Variants in PLCE1 observed in about 807,000 individuals in gnomAD.
PLCE1 encodes 1-phosphatidylinositol 4,5-bisphosphate phosphodiesterase epsilon-1.
In PLCE1, 119 loss-of-function variants were observed where a neutral mutation model predicts 242.8. The observed-to-expected ratio is 0.49, with a 90% CI of 0.42 to 0.57. PLCE1 has a LOEUF of 0.57. Among genes scored for constraint, PLCE1 ranks in the 20% least tolerant of loss-of-function variants. PLCE1 has a pLI of 0.00. For synonymous variants in PLCE1, 945 were observed against 1,017.4 expected (o/e 0.93, Z 1.35); for missense variants, 2,441 against 2,788.8 (o/e 0.88, Z 2.81).
At chr10:94,214,568 G>A (rs2049453486) in intron 4 of PLCE1, among the ~76,000 whole-genome samples, 1 of 152,104 alleles carries the variant, frequency 6.6e-6, no homozygotes. Flanking sequence ...TCCTTTGTTT[G>A]TTCACACAGA....
chr10:94,112,860 A>G lies in PLCE1; in HGVS notation c.1207-19314A>G, dbSNP rs115452024. 4.7e-3 allele frequency among the ~76,000 whole-genome samples: 721 copies of G among 152,306 alleles called. 6 individuals are homozygous for G. Among genetic ancestry groups the G allele is most frequent in the African/African-American group, 0.016 (681 of 41,540 alleles). ...TGCTTTGGACCAATAAGGTCTAAAGATGAAATGTGAAAAAAATATATTTAA... is the reference window on the plus strand; with the variant it reads ...TGCTTTGGACCAATAAGGTCTAAAGGTGAAATGTGAAAAAAATATATTTAA... On this transcript the variant is annotated intron_variant, in intron 2 of 32. Coordinates refer to ENST00000371380, the MANE Select transcript of PLCE1 (RefSeq NM_016341.4).
At chr10:94,201,209 T>A (rs1235543461) in intron 4 of PLCE1, among the ~76,000 whole-genome samples, 1 of 152,200 alleles carries the variant, frequency 6.6e-6, no homozygotes, top group Non-Finnish European at 1.5e-5. Flanking sequence ...TTGCTATTTT[T>A]CTATAAATCT....
intron 4 of PLCE1, among the ~76,000 whole-genome samples, chr10:94,195,155 AT>A (rs1165484165): frequency 1.3e-5 from 2 of 152,218 alleles, no homozygotes; most frequent in African/African-American, 4.8e-5. Flanking sequence ...TTCAAAATAG[AT>A]TTGCTAGCAT....
intron 2 of PLCE1, among the ~76,000 whole-genome samples, chr10:94,124,737 C>A (rs1455473351): frequency 2.0e-5 from 3 of 152,188 alleles, no homozygotes; most frequent in Admixed American, 6.5e-5. Context: ...TCTTTTAAAC[C>A]CCATGATCCT....
At chr10:94,005,611 A>G (rs534826981) in intron 1 of PLCE1, among the ~76,000 whole-genome samples, 1 of 152,240 alleles carries the variant, frequency 6.6e-6, no homozygotes, top group Non-Finnish European at 1.5e-5. Flanking sequence ...CCTAATTCTC[A>G]CTTCTGAGCT....
intron 2 of PLCE1, among the ~76,000 whole-genome samples, chr10:94,073,652 G>A (rs1331996302): frequency 6.6e-6 from 1 of 152,196 alleles, no homozygotes; most frequent in Non-Finnish European, 1.5e-5. Flanking sequence ...CTGGGCACAT[G>A]TGCTACCTCC....
chr10:94,054,237 G>A (rs1196420074), intron 2 of PLCE1, among the ~76,000 whole-genome samples: 6 of 152,102 alleles, frequency 3.9e-5, no homozygotes, highest in Non-Finnish European at 7.4e-5. Flanking sequence ...GCTTGGTGAA[G>A]GAGACTGGTT....
intron 5 of PLCE1, 150 bp downstream of exon 5, chr10:94,227,601 A>G: frequency 1.2e-6 from 1 of 825,832 alleles, no homozygotes; most frequent in South Asian, 1.4e-5. Context: ...TTTCAGCACC[A>G]AAGGCCCTGT....
intron 2 of PLCE1, among the ~76,000 whole-genome samples, chr10:94,113,419 CA>C (rs2046016735): frequency 6.6e-6 from 1 of 151,964 alleles, no homozygotes; most frequent in East Asian, 1.9e-4. Flanking sequence ...TAACTGAGGG[CA>C]AAATAAAGTA....
At position 94,234,262 on chromosome 10, in the gene PLCE1, G is replaced by A. The variant is rs200013667; in HGVS notation, c.2164G>A (p.Gly722Ser). The part of the protein sequence containing the change: ...ELCEVLDGAS[G>S]LMKLCPRYNS... The stretch of plus-strand genomic sequence containing the variant: ...CTGTGAAGTGCTTGACGGCGCCTCC[G>A]GTCTCATGAAGCTTTGCCCGCGGTA... Residue 722 changes from glycine (G) to serine (S), a missense_variant, in exon 6 of 33, where the codon GGT becomes AGT. Transcript: ENST00000371380. 46 of 1,613,962 alleles carry A rather than the reference G, an allele frequency of 2.9e-5. No individual in the cohort carries two copies. Among genetic ancestry groups the A allele is most frequent in the Middle Eastern group, 1.6e-4 (1 of 6,078 alleles).
chr10:94,117,732 C>A (rs2046176827), intron 2 of PLCE1, among the ~76,000 whole-genome samples: 1 of 152,158 alleles, frequency 6.6e-6, no homozygotes, highest in South Asian at 2.1e-4. Flanking sequence ...TTGACACTGC[C>A]TTTAATTATG....
chr10:94,274,144 C>A (rs1212557192), intron 19 of PLCE1, among the ~76,000 whole-genome samples: 2 of 151,982 alleles, frequency 1.3e-5, no homozygotes, highest in Non-Finnish European at 2.9e-5. Flanking sequence ...CTAGTTTATG[C>A]TGCTTGGGCC....
intron 28 of PLCE1, 73 bp downstream of exon 28, chr10:94,313,455 C>T (rs553416525): frequency 2.6e-6 from 4 of 1,550,750 alleles, no homozygotes; most frequent in Non-Finnish European, 3.6e-6. Context: ...GTATAAATGC[C>T]TGTGTGTAAA....
chr10:94,067,401 C>A (rs189108941), intron 2 of PLCE1, among the ~76,000 whole-genome samples: 1 of 152,192 alleles, frequency 6.6e-6, no homozygotes, highest in African/African-American at 2.4e-5. Context: ...CCCCAAACAT[C>A]CTGAACCCAG....
intron 2 of PLCE1, among the ~76,000 whole-genome samples, chr10:94,048,930 T>A (rs1485909471): frequency 1.3e-5 from 2 of 150,578 alleles, no homozygotes; most frequent in East Asian, 3.9e-4. Context: ...GCCTGGCTAT[T>A]TTTTTTTATT....
In PLCE1 at chr10:93,997,229, G is replaced by A. The variant is rs181103109; in HGVS notation, c.-365+2971G>A. On this transcript the variant is annotated intron_variant, in intron 1 of 32. Transcript: ENST00000371380. ...GCTACAAAACTTGGTCTGAAGTGAC[G>A]TGAGGTTATGACAGTCTTTATTTTT... 1.1e-4 allele frequency among the ~76,000 whole-genome samples: 16 copies of A among 152,282 alleles called. No homozygotes were observed. In the East Asian group the frequency reaches 2.1e-3, roughly 20 times the overall value.
intron 4 of PLCE1, among the ~76,000 whole-genome samples, chr10:94,195,833 A>G (rs896142799): frequency 3.3e-5 from 5 of 152,200 alleles, no homozygotes; most frequent in African/African-American, 1.2e-4. Context: ...GAACAGGATT[A>G]TGAGTCTAGG....
At position 94,268,921 on chromosome 10, in the gene PLCE1, T is replaced by A; in HGVS notation, c.4282-8T>A. 5.7e-6 allele frequency: 9 copies of A among 1,572,272 alleles called. No individual in the cohort carries two copies. Among genetic ancestry groups the A allele is most frequent in the Non-Finnish European group, 7.9e-6 (9 of 1,142,050 alleles). ...CACCTGGGGTGGATTCGCTCATTGA[T>A]CACACAGGTCCTTTTGCAAGGCTGT... On this transcript the variant is annotated splice_polypyrimidine_tract_variant and splice_region_variant and intron_variant, in intron 16 of 32. Transcript: ENST00000371380.
intron 2 of PLCE1, among the ~76,000 whole-genome samples, chr10:94,046,964 C>T (rs1252870675): frequency 6.6e-6 from 1 of 151,984 alleles, no homozygotes; most frequent in African/African-American, 2.4e-5. Flanking sequence ...GTTGTTGTTT[C>T]CTTTTATTCT....
Sources: allele counts gnomAD v4.1 joint callset (sites outside exome capture counted in the v4.1 genomes callset), GRCh38; gene constraint gnomAD v4.1.1; transcripts MANE v1.5; gene names NCBI Gene and HGNC (gene_info 2026-07-23, HGNC 2026-07-21).